The following KCNH8 variants were observed in gnomAD, a reference collection of about 807,000 sequenced individuals.
The protein encoded by KCNH8 is voltage-gated delayed rectifier potassium channel KCNH8.
KCNH8 carries 70 observed loss-of-function variants against 103.6 expected under a neutral mutation model. The ratio of observed to expected loss-of-function variants is 0.68; its 90% confidence interval spans 0.56 to 0.82. The LOEUF (loss-of-function observed/expected upper bound fraction) is 0.82. Among genes scored for constraint, KCNH8 ranks in the 40% least tolerant of loss-of-function variants. The pLI is 0.00. For synonymous variants in KCNH8, 498 were observed against 489.4 expected, an observed-to-expected ratio of 1.02 and a Z score of -0.23; for missense variants, 1,217 against 1,329.9, an observed-to-expected ratio of 0.92 and a Z score of 1.32.
At chr3:19,235,261 G>A (rs1000432266) in intron 1 of KCNH8, among the ~76,000 whole-genome samples, 14 of 152,114 alleles carry the variant, frequency 9.2e-5, no homozygotes, top group African/African-American at 3.1e-4. Context: ...AAAGTTCATC[G>A]GGAGGGGGTA....
chr3:19,260,037 A>G (rs1384214099), intron 2 of KCNH8, among the ~76,000 whole-genome samples: 6 of 151,630 alleles, frequency 4.0e-5, no homozygotes, highest in African/African-American at 1.5e-4. Flanking sequence ...GAAAGATAGG[A>G]AGAAAAGAGG....
intron 5 of KCNH8, among the ~76,000 whole-genome samples, chr3:19,354,758 G>T (rs1277079675): frequency 6.6e-6 from 1 of 152,124 alleles, no homozygotes; most frequent in African/African-American, 2.4e-5. Flanking sequence ...TTAAATGTTA[G>T]ACCTAAAACC....
chr3:19,505,183 C>T (rs1048706316), intron 11 of KCNH8, among the ~76,000 whole-genome samples: 3 of 151,874 alleles, frequency 2.0e-5, no homozygotes, highest in Admixed American at 1.3e-4. Context: ...AGGCCATTAT[C>T]CTAAGCAAAC....
intron 1 of KCNH8, among the ~76,000 whole-genome samples, chr3:19,163,296 A>G (rs2063251518): frequency 6.7e-6 from 1 of 150,208 alleles, no homozygotes; most frequent in Admixed American, 6.7e-5. Context: ...ATATATATAT[A>G]TAAAACAAAT....
intron 1 of KCNH8, among the ~76,000 whole-genome samples, chr3:19,218,177 C>G (rs1040291982): frequency 6.6e-6 from 1 of 151,992 alleles, no homozygotes; most frequent in African/African-American, 2.4e-5. Context: ...GCTAATAACT[C>G]AATTTTAGAA....
chr3:19,356,593 C>T (rs1324824330), intron 5 of KCNH8, among the ~76,000 whole-genome samples: 1 of 151,920 alleles, frequency 6.6e-6, no homozygotes, highest in Non-Finnish European at 1.5e-5. Context: ...TGAAAATCAT[C>T]CTATTTAATT....
At chr3:19,420,982 CGT>C (rs1368082467) in intron 7 of KCNH8, among the ~76,000 whole-genome samples, 2 of 151,752 alleles carry the variant, frequency 1.3e-5, no homozygotes, top group Non-Finnish European at 2.9e-5. Flanking sequence ...CACATGCATA[CGT>C]GTGTTAAGAG....
chr3:19,253,996 ATGCAGGCTGT>A lies in KCNH8; in HGVS notation c.310+111_310+120del, dbSNP rs1466651815. On this transcript the variant is annotated intron_variant, in intron 2 of 15. Coordinates refer to ENST00000328405, the MANE Select transcript of KCNH8 (RefSeq NM_144633.3). Reference sequence around the variant, plus strand: ...TAAGGCTTAATGGCATTTCACATACATGCAGGCTGTTACAGAAGTTCCACAAATGACTTGG... The same window carrying A: ...TAAGGCTTAATGGCATTTCACATACATACAGAAGTTCCACAAATGACTTGG... 2.0e-5 allele frequency: 14 copies of A among 712,512 alleles called. No homozygotes were observed. The Admixed American group carries it at 3.3e-4, about 17-fold the overall frequency. 44.1% of individuals were successfully genotyped at this position (712,512 alleles called of 1,614,324 possible). A position where few individuals can be genotyped will look rare whatever the true frequency, so the allele number is the denominator to read the frequency against.
At chr3:19,356,904 G>A (rs776213282) in intron 5 of KCNH8, among the ~76,000 whole-genome samples, 3 of 151,596 alleles carry the variant, frequency 2.0e-5, no homozygotes, top group Non-Finnish European at 2.9e-5. Context: ...TTTCTTCCAC[G>A]AATATGGAAA....
At chr3:19,510,325 A>G (rs1386414499) in intron 11 of KCNH8, 38 bp from the exon 12 acceptor site, 1 of 1,283,764 alleles carries the variant, frequency 7.8e-7, no homozygotes, top group East Asian at 2.3e-5. Context: ...AACCACCAGG[A>G]TATGTAAAAT....
chr3:19,513,170 G>C lies in KCNH8; in HGVS notation c.2280G>C (p.Thr760=). 1 of 1,613,876 alleles carries C rather than the reference G, an allele frequency of 6.2e-7. No individual in the cohort carries two copies. The highest frequency in any genetic ancestry group is 2.2e-5 in the East Asian group (1 of 44,856). Residue 760 remains threonine (T), a synonymous_variant, in exon 13 of 16, where the codon ACG becomes ACC. Transcript: ENST00000328405. ...GCTTAAAGCAACTGGCCTCGGGAAC[G>C]GTGCCCTTTCACTCGCCTATCAGAG... ...GLSLKQLASG[T]VPFHSPIRVS...
At chr3:19,174,198 T>C (rs940750547) in intron 1 of KCNH8, among the ~76,000 whole-genome samples, 1 of 152,116 alleles carries the variant, frequency 6.6e-6, no homozygotes, top group Non-Finnish European at 1.5e-5. Context: ...TCTACAGAAA[T>C]GGATTTCTTC....
chr3:19,425,154 T>C (rs148907836), intron 7 of KCNH8, among the ~76,000 whole-genome samples: 58 of 152,350 alleles, frequency 3.8e-4, no homozygotes, highest in African/African-American at 1.4e-3. Flanking sequence ...TTCTGTACCC[T>C]TAACTTGAGC....
chr3:19,356,373 A>G (rs1575552610), intron 5 of KCNH8, among the ~76,000 whole-genome samples: 1 of 151,966 alleles, frequency 6.6e-6, no homozygotes, highest in South Asian at 2.1e-4. Context: ...GATAGACTCA[A>G]AAACATTCTT....
At chr3:19,497,996 C>A (rs1231846986) in intron 11 of KCNH8, among the ~76,000 whole-genome samples, 1 of 152,052 alleles carries the variant, frequency 6.6e-6, no homozygotes, top group Non-Finnish European at 1.5e-5. Context: ...ATGTAATGTC[C>A]TACTCTATCT....
rs1051625796 is a variant in KCNH8 at position 19,519,808 on chromosome 3, C to G, written c.2619+1734C>G. 2.6e-5 allele frequency among the ~76,000 whole-genome samples: 4 copies of G among 151,854 alleles called. No homozygotes were observed. The East Asian group carries it at 7.7e-4, about 29-fold the overall frequency. On this transcript the variant is annotated intron_variant, in intron 15 of 15. Transcript: ENST00000328405. ...ATCAATACCATTTGAATTCTTTCCT[C>G]TCATATTTGAGAAGGGCATTTAATA...
intron 1 of KCNH8, among the ~76,000 whole-genome samples, chr3:19,200,465 A>G (rs1359322428): frequency 6.6e-6 from 1 of 151,960 alleles, no homozygotes; most frequent in African/African-American, 2.4e-5. Flanking sequence ...ATGCCACCCA[A>G]CCAAAATTGT....
intron 11 of KCNH8, among the ~76,000 whole-genome samples, chr3:19,485,725 G>C (rs774595087): frequency 2.2e-4 from 34 of 152,204 alleles, no homozygotes; most frequent in Non-Finnish European, 5.9e-5. Context: ...GTAAGGGGTA[G>C]ATGCTGCTTT....
chr3:19,251,292 G>A (rs2064274365), intron 1 of KCNH8, among the ~76,000 whole-genome samples: 1 of 151,936 alleles, frequency 6.6e-6, no homozygotes, highest in Non-Finnish European at 1.5e-5. Flanking sequence ...CAAAGTGTGA[G>A]AGAATTAATT....
Sources: gnomAD v4.1 joint callset for allele counts (sites outside exome capture counted in the v4.1 genomes callset) on GRCh38, gnomAD v4.1.1 for gene constraint, MANE v1.5 for transcripts, NCBI Gene and HGNC (gene_info 2026-07-23, HGNC 2026-07-21) for gene names.